The following ROS1 variants were observed in gnomAD, a reference collection of about 807,000 sequenced individuals.
ROS1 encodes proto-oncogene tyrosine-protein kinase ROS.
ROS1 carries 263 observed loss-of-function variants against 273.5 expected under a neutral mutation model. The ratio of observed to expected loss-of-function variants is 0.96; its 90% CI spans 0.87 to 1.06. The LOEUF (loss-of-function observed/expected upper bound fraction) is 1.06. ROS1 is among the 50% of genes least tolerant of loss of function. The pLI is 0.00. For synonymous variants in ROS1, 1,008 were observed against 954.1 expected (o/e 1.06, Z -1.04); for missense variants, 2,833 against 2,751.1 (o/e 1.03, Z -0.67).
chr6:117,420,804 G>A (rs1028770520), intron 1 of ROS1, among the ~76,000 whole-genome samples: 2 of 152,060 alleles, frequency 1.3e-5, no homozygotes, highest in African/African-American at 4.8e-5. Context: ...ATAGTGCAGT[G>A]CAGGCACTTA....
intron 13 of ROS1, among the ~76,000 whole-genome samples, chr6:117,389,058 C>T (rs1290255290): frequency 6.6e-6 from 1 of 152,208 alleles, no homozygotes; most frequent in African/African-American, 2.4e-5. Context: ...AGTATTCTAT[C>T]TCCCTGGCTA....
chr6:117,385,493 G>A (rs1772492068), intron 16 of ROS1, among the ~76,000 whole-genome samples, 190 bp downstream of exon 16: 1 of 151,830 alleles, frequency 6.6e-6, no homozygotes, highest in Non-Finnish European at 1.5e-5. Flanking sequence ...AGCCTGGGCA[G>A]CAGGGTGAAA....
intron 26 of ROS1, among the ~76,000 whole-genome samples, chr6:117,353,961 C>T (rs1394462593): frequency 6.6e-6 from 1 of 152,098 alleles, no homozygotes; most frequent in Non-Finnish European, 1.5e-5. Flanking sequence ...AGAATATTAA[C>T]TAGCTGGAAT....
intron 1 of ROS1, among the ~76,000 whole-genome samples, chr6:117,423,909 T>G (rs1483944632): frequency 1.3e-5 from 2 of 152,180 alleles, no homozygotes; most frequent in Non-Finnish European, 2.9e-5. Flanking sequence ...TGTGGGAACA[T>G]GTAGTACTTT....
chr6:117,288,912 C>T, intron 43 of ROS1, 110 bp from the exon 44 acceptor site: 1 of 884,626 alleles, frequency 1.1e-6, no homozygotes, highest in Non-Finnish European at 1.7e-6. Context: ...ATTTGTTCAG[C>T]AAACATTTAT....
At chr6:117,341,666 T>C in intron 29 of ROS1, 34 bp from the exon 30 acceptor site, 2 of 1,497,324 alleles carry the variant, frequency 1.3e-6, no homozygotes, top group Non-Finnish European at 1.9e-6. Context: ...TAAAGGATGC[T>C]GCAATAGCAC....
In ROS1 at chr6:117,287,917, C is replaced by CAAAA. The variant is rs3086754; in HGVS notation, c.*571_*574dup. Among the ~76,000 whole-genome samples, 1 of 129,566 alleles carries CAAAA rather than the reference C, an allele frequency of 7.7e-6. No individual in the cohort carries two copies. Among genetic ancestry groups the CAAAA allele is most frequent in the Non-Finnish European group, 1.6e-5 (1 of 61,020 alleles). The allele number at this position is 129,566 out of a possible 152,430, so 85.0% of individuals were successfully genotyped here. A position where few individuals can be genotyped will look rare whatever the true frequency, so the allele number is the denominator to read the frequency against. On this transcript the variant is annotated 3_prime_UTR_variant, in exon 44 of 44. Coordinates refer to ENST00000368507, the MANE Select transcript of ROS1 (RefSeq NM_001378902.1). ...TGGGCAACAGAGCAAGACTTCGTCT[C>CAAAA]AAAAAAAAAAAAAAAAAATTAAAAA... is the stretch of plus-strand genomic sequence containing the variant.
rs1282119439 is a variant in ROS1, at chr6:117,391,222, T to A, written c.1290-1376A>T. Reference sequence around the variant, plus strand: ...TATGTTCTTTTCCCTGAGGACGGATTGTAGCAGGCAAAAAGCAAAAACAGC... The same window carrying A: ...TATGTTCTTTTCCCTGAGGACGGATAGTAGCAGGCAAAAAGCAAAAACAGC... On this transcript the variant is annotated intron_variant, in intron 12 of 43. Transcript: ENST00000368507. 2.6e-5 allele frequency among the ~76,000 whole-genome samples: 4 copies of A among 152,230 alleles called. No homozygotes were observed. The East Asian group carries it at 7.7e-4, about 29-fold the overall frequency.
Position 117,362,720 on chromosome 6 carries a change from T to C in ROS1, c.3249A>G (p.Ile1083Met), listed in dbSNP as rs777962826. 1.2e-6 allele frequency: 2 copies of C among 1,613,746 alleles called. No homozygotes were observed. Among genetic ancestry groups the C allele is most frequent in the East Asian group, 4.5e-5 (2 of 44,862 alleles). ...VLTKFEIFYN[I>M]SNQSITNKTC... ...TTTTGTTTGTAATACTTTGATTGGATATATTGTAGAAAATTTCAAATTTTG... is the reference window on the plus strand; with the variant it reads ...TTTTGTTTGTAATACTTTGATTGGACATATTGTAGAAAATTTCAAATTTTG... The change falls in exon 22 of 44, where the codon ATA (isoleucine) becomes ATG (methionine). Residue 1083 changes from isoleucine (I) to methionine (M), a missense_variant. By Grantham distance (10) the Ile-to-Met change is conservative. Coordinates refer to ENST00000368507, the MANE Select transcript of ROS1 (RefSeq NM_001378902.1).
At chr6:117,396,868 C>T (rs1315741699) in intron 8 of ROS1, 47 bp downstream of exon 8, 9 of 1,324,508 alleles carry the variant, frequency 6.8e-6, no homozygotes, top group Non-Finnish European at 9.8e-6. Flanking sequence ...ATTATCATGC[C>T]TGCAGCCATG....
rs1775312906 is a variant in ROS1, at chr6:117,308,804, G to A, written c.6541C>T (p.Pro2181Ser). The A allele has an allele frequency of 3.1e-6, 5 of 1,612,560 alleles. No individual in the cohort carries two copies. The highest frequency in any genetic ancestry group is 2.5e-6 in the Non-Finnish European group (3 of 1,179,372). ...ACATAATTAACTTACAGATCATCAG[G>A]ACAATTTCTTGGTGGCTCCAGTCTC... ...GGRLEPPRNC[P>S]DDLWNLMTQC... The change falls in exon 42 of 44, where the codon CCT (proline) becomes TCT (serine). Residue 2181 changes from proline to serine, a missense_variant. By Grantham distance (74) the Pro-to-Ser change is moderately conservative (BLOSUM62 -1). Transcript: ENST00000368507.
intron 18 of ROS1, 54 bp from the exon 19 acceptor site, chr6:117,366,344 G>A (rs1780242329): frequency 8.2e-7 from 1 of 1,217,868 alleles, no homozygotes; most frequent in South Asian, 1.2e-5. Flanking sequence ...GGAAGGGCTG[G>A]TCCATGCAAG....
intron 43 of ROS1, among the ~76,000 whole-genome samples, chr6:117,297,748 G>C (rs1774360177): frequency 6.6e-6 from 1 of 152,134 alleles, no homozygotes; most frequent in Non-Finnish European, 1.5e-5. Flanking sequence ...CAGACAAAGA[G>C]GAACAGTTAC....
intron 22 of ROS1, among the ~76,000 whole-genome samples, chr6:117,362,361 C>T (rs1354756335): frequency 2.6e-5 from 4 of 151,796 alleles, no homozygotes; most frequent in Non-Finnish European, 4.4e-5. Flanking sequence ...GGAATAAAAA[C>T]GAATTCCTGC....
rs745928815 is a variant in ROS1 at position 117,385,790 on chromosome 6, C to T, written c.2182G>A (p.Gly728Arg). 3 of 1,614,176 alleles carry T rather than the reference C, an allele frequency of 1.9e-6. No individual in the cohort carries two copies. The South Asian group carries it at 3.3e-5, about 18-fold the overall frequency. Residue 728 changes from glycine to arginine, a missense_variant, in exon 16 of 44, where the codon GGG becomes AGG. By Grantham distance (125) the Gly-to-Arg change is moderately radical (BLOSUM62 -2). Transcript: ENST00000368507. ...KGDVFVWLLN[G>R]TDISENYHLP... Reference sequence around the variant, plus strand: ...TGATAATTCTCTGAGATATCCGTCCCATTCAGCAGCCACACAAAAACGTCG... The same window carrying T: ...TGATAATTCTCTGAGATATCCGTCCTATTCAGCAGCCACACAAAAACGTCG...
At chr6:117,390,624 T>C (rs1772990867) in intron 12 of ROS1, among the ~76,000 whole-genome samples, 1 of 152,236 alleles carries the variant, frequency 6.6e-6, no homozygotes, top group Admixed American at 6.5e-5. Flanking sequence ...TGTACAGTTA[T>C]CATTTTGCTA....
intron 32 of ROS1, among the ~76,000 whole-genome samples, chr6:117,330,363 C>A (rs909071137): frequency 2.0e-5 from 3 of 152,226 alleles, no homozygotes; most frequent in African/African-American, 7.2e-5. Flanking sequence ...GCTGCAGTCT[C>A]TGCGGACCAA....
chr6:117,386,703 T>C (rs944854727), intron 15 of ROS1, among the ~76,000 whole-genome samples, 186 bp downstream of exon 15: 1 of 152,218 alleles, frequency 6.6e-6, no homozygotes, highest in Non-Finnish European at 1.5e-5. Flanking sequence ...ACTTAATAAA[T>C]AGCGTTCCTA....
chr6:117,323,586 AG>A (rs1263143078), intron 35 of ROS1, among the ~76,000 whole-genome samples: 1 of 152,158 alleles, frequency 6.6e-6, no homozygotes, highest in Non-Finnish European at 1.5e-5. Flanking sequence ...AATGAAAGAA[AG>A]TGCTATTATT....
Sources: gnomAD v4.1 joint callset for allele counts (sites outside exome capture counted in the v4.1 genomes callset) on GRCh38, gnomAD v4.1.1 for gene constraint, MANE v1.5 for transcripts, NCBI Gene and HGNC (gene_info 2026-07-23, HGNC 2026-07-21) for gene names.